Variants in ZFP69 observed in about 807,000 individuals in gnomAD.
ZFP69 encodes zinc finger protein 69 homolog.
A neutral mutation model predicts 48.9 loss-of-function variants in ZFP69; 35 were observed. That is an observed-to-expected ratio of 0.72 (90% confidence interval 0.55 to 0.95). The LOEUF is 0.95. Among genes scored for constraint, ZFP69 ranks in the 40% least tolerant of loss-of-function variants. The pLI is 0.00. For missense variants in ZFP69, 557 were observed against 638.4 expected, an observed-to-expected ratio of 0.87 and a Z score of 1.37; for synonymous variants, 193 against 216.8, an observed-to-expected ratio of 0.89 and a Z score of 0.96.
At chr1:40,491,146 T>A (rs1047219405) in intron 5 of ZFP69, 1 of 152,248 alleles carries the variant, frequency 6.6e-6, no homozygotes, top group Non-Finnish European at 1.5e-5. Flanking sequence ...AAATAAATGG[T>A]ATATATACTT....
chr1:40,491,775 G>GTA (rs1463849286), intron 5 of ZFP69, among the ~76,000 whole-genome samples: 59 of 151,544 alleles, frequency 3.9e-4, no homozygotes, highest in African/African-American at 1.3e-3. Flanking sequence ...GTGTGTGTGT[G>GTA]TGTGTGTGTG....
Position 40,495,199 on chromosome 1 carries a change from A to T in ZFP69, c.721A>T (p.Arg241Trp), listed in dbSNP as rs1202048802. The change falls in exon 6 of 6, where the codon AGG (arginine) becomes TGG (tryptophan). Residue 241 changes from arginine (R) to tryptophan (W), a missense_variant. Coordinates refer to ENST00000372706, the MANE Select transcript of ZFP69 (RefSeq NM_001320179.2). ...IVHSNVIIEQRHHKYDTPTKR... is the reference protein window; with the variant it reads ...IVHSNVIIEQWHHKYDTPTKR... Reference sequence around the variant, plus strand: ...GCATTCAAATGTTATTATTGAACAGAGGCACCATAAATATGATACACCTAC... The same window carrying T: ...GCATTCAAATGTTATTATTGAACAGTGGCACCATAAATATGATACACCTAC... 6.2e-7 allele frequency: 1 copy of T among 1,614,170 alleles called. No homozygotes were observed.
chr1:40,489,793 G>A (rs1039761135), intron 5 of ZFP69, among the ~76,000 whole-genome samples, 169 bp downstream of exon 5: 1 of 152,078 alleles, frequency 6.6e-6, no homozygotes, highest in Non-Finnish European at 1.5e-5. Context: ...TACAATCATG[G>A]TGAAAGGCAT....
intron 3 of ZFP69, among the ~76,000 whole-genome samples, chr1:40,487,288 A>G (rs1645511045): frequency 6.6e-6 from 1 of 152,168 alleles, no homozygotes. Context: ...GACTTTTTTC[A>G]ATAAATATAT....
At chr1:40,486,458 C>A in intron 3 of ZFP69, among the ~76,000 whole-genome samples, 1 of 105,282 alleles carries the variant, frequency 9.5e-6, no homozygotes, top group Non-Finnish European at 1.9e-5. Flanking sequence ...TCCCTCCATC[C>A]CTCCCTCCCT....
chr1:40,483,805 G>A (rs1645467135), intron 3 of ZFP69, among the ~76,000 whole-genome samples: 2 of 152,176 alleles, frequency 1.3e-5, no homozygotes, highest in Non-Finnish European at 2.9e-5. Flanking sequence ...GGCCGGGCAT[G>A]GTGGCTCATG....
Position 40,496,067 on chromosome 1 carries a change from TA to T in ZFP69, c.*9del. Reference sequence around the variant, plus strand: ...TTCCGAAATAAGGTGTAAAAACAGATATTTGACTTGAGAACAAAAGCCAAGT... The same window carrying T: ...TTCCGAAATAAGGTGTAAAAACAGATTTTGACTTGAGAACAAAAGCCAAGT... On this transcript the variant is annotated 3_prime_UTR_variant, in exon 6 of 6. Coordinates refer to ENST00000372706, the MANE Select transcript of ZFP69 (RefSeq NM_001320179.2). 1 of 1,548,504 alleles carries T rather than the reference TA, an allele frequency of 6.5e-7. No individual in the cohort carries two copies. The highest frequency in any genetic ancestry group is 8.7e-7 in the Non-Finnish European group (1 of 1,150,368).
At chr1:40,490,841 G>T (rs1311898372) in intron 5 of ZFP69, 1 of 151,796 alleles carries the variant, frequency 6.6e-6, no homozygotes, top group African/African-American at 2.4e-5. Context: ...CAAATGTCGG[G>T]GTCCCTAACA....
Position 40,495,822 on chromosome 1 carries a change from T to G in ZFP69, c.1344T>G (p.Phe448Leu). 6.2e-7 allele frequency: 1 copy of G among 1,614,204 alleles called. No individual in the cohort carries two copies. Among genetic ancestry groups the G allele is most frequent in the Non-Finnish European group, 8.5e-7 (1 of 1,180,038 alleles). The change falls in exon 6 of 6, where the codon TTT (phenylalanine) becomes TTG (leucine). Residue 448 changes from phenylalanine to leucine, a missense_variant. Phe to Leu is a conservative substitution (Grantham distance 22). Coordinates refer to ENST00000372706, the MANE Select transcript of ZFP69 (RefSeq NM_001320179.2). The part of the protein sequence containing the change: ...PYKCKECGKA[F>L]RQRIHLSNHK... The stretch of plus-strand genomic sequence containing the variant: ...AATGTAAAGAATGTGGAAAAGCCTT[T>G]AGGCAGAGGATACACCTTAGCAACC...
Position 40,487,049 on chromosome 1 carries a change from C to T in ZFP69, c.220-2039C>T, listed in dbSNP as rs367595850. On this transcript the variant is annotated intron_variant, in intron 3 of 5. Coordinates refer to ENST00000372706, the MANE Select transcript of ZFP69 (RefSeq NM_001320179.2). ...AAGTGATTCTTCTGCCTCAGCCTTCCGAGTAGCTGGGACTACAGGCATGCA... is the reference window on the plus strand; with the variant it reads ...AAGTGATTCTTCTGCCTCAGCCTTCTGAGTAGCTGGGACTACAGGCATGCA... Among the ~76,000 whole-genome samples, 12 of 151,784 alleles carry T rather than the reference C, an allele frequency of 7.9e-5. No homozygotes were observed. The East Asian group carries it at 1.4e-3, about 17-fold the overall frequency.
At chr1:40,490,545 G>A (rs1381899110) in intron 5 of ZFP69, among the ~76,000 whole-genome samples, 2 of 152,138 alleles carry the variant, frequency 1.3e-5, no homozygotes, top group Admixed American at 1.3e-4. Flanking sequence ...CATTAAGGTT[G>A]AGCTGGATTT....
chr1:40,489,039 C>A (rs781006717), intron 3 of ZFP69, 49 bp from the exon 4 acceptor site: 60 of 1,611,600 alleles, frequency 3.7e-5, no homozygotes, highest in Non-Finnish European at 4.5e-5. Context: ...CTCCTTGGAA[C>A]TTAACAGAGG....
chr1:40,485,739 G>A (rs1210732534), intron 3 of ZFP69, among the ~76,000 whole-genome samples: 4 of 152,012 alleles, frequency 2.6e-5, no homozygotes, highest in Non-Finnish European at 5.9e-5. Context: ...GGATCTTATT[G>A]GATAAAGAAT....
intron 2 of ZFP69, among the ~76,000 whole-genome samples, chr1:40,481,042 C>T (rs1645438362): frequency 2.0e-5 from 3 of 152,134 alleles, no homozygotes; most frequent in South Asian, 2.1e-4. Context: ...CTCCTGACCT[C>T]GTGATCCACC....
At position 40,489,504 on chromosome 1, in the gene ZFP69, ACT is replaced by A. The variant is rs758324852; in HGVS notation, c.347-24_347-23del. On this transcript the variant is annotated intron_variant, in intron 4 of 5. Coordinates refer to ENST00000372706, the MANE Select transcript of ZFP69 (RefSeq NM_001320179.2). ...CTTAGACATCAGCATAAACATTCACACTGTTTTTTTTACTACATAAGCAGGAT... is the reference window on the plus strand; with the variant it reads ...CTTAGACATCAGCATAAACATTCACAGTTTTTTTTACTACATAAGCAGGAT... The A allele has an allele frequency of 4.4e-6, 7 of 1,591,832 alleles. No individual in the cohort carries two copies. The African/African-American group carries it at 5.4e-5, about 12-fold the overall frequency.
In ZFP69 at chr1:40,479,076, C is replaced by G; in HGVS notation, c.-286C>G. ...AGACAAGTGCTTCTGGATCCCTCTTCCCTTCCCTTTTGCTCCTCTAAAGAG... is the reference window on the plus strand; with the variant it reads ...AGACAAGTGCTTCTGGATCCCTCTTGCCTTCCCTTTTGCTCCTCTAAAGAG... On this transcript the variant is annotated 5_prime_UTR_variant, in exon 2 of 6. Transcript: ENST00000372706. The G allele has an allele frequency of 3.6e-6, 1 of 280,674 alleles. No individual in the cohort carries two copies. Among genetic ancestry groups the G allele is most frequent in the South Asian group, 4.2e-5 (1 of 23,852 alleles). The allele number at this position is 280,674 out of a possible 1,614,324, so 17.4% of individuals were successfully genotyped here.
chr1:40,484,032 G>A (rs567939468), intron 3 of ZFP69, among the ~76,000 whole-genome samples: 24 of 152,022 alleles, frequency 1.6e-4, no homozygotes, highest in Non-Finnish European at 3.2e-4. Flanking sequence ...CCGAGATTGC[G>A]CCATTGCACT....
chr1:40,484,606 A>G (rs1645476481), intron 3 of ZFP69, among the ~76,000 whole-genome samples: 1 of 151,076 alleles, frequency 6.6e-6, no homozygotes, highest in South Asian at 2.1e-4. Flanking sequence ...ATTGAGACAG[A>G]GTCTTGCTCT....
rs1439619869 is a variant in ZFP69, at chr1:40,496,198, T to C, written c.*139T>C. ...TTTCCCATTGTAAATAAACATTACA[T>C]TGACAGGTATTGACTACTAACACCT... On this transcript the variant is annotated 3_prime_UTR_variant, in exon 6 of 6. Transcript: ENST00000372706. 2.5e-6 allele frequency: 2 copies of C among 786,492 alleles called. No individual in the cohort carries two copies. Among genetic ancestry groups the C allele is most frequent in the African/African-American group, 1.7e-5 (1 of 57,694 alleles). 48.7% of individuals were successfully genotyped at this position (786,492 alleles called of 1,614,324 possible). A position where few individuals can be genotyped will look rare whatever the true frequency, so the allele number is the denominator to read the frequency against.
Sources: allele counts gnomAD v4.1 joint callset (sites outside exome capture counted in the v4.1 genomes callset), GRCh38; gene constraint gnomAD v4.1.1; transcripts MANE v1.5; gene names NCBI Gene and HGNC (gene_info 2026-07-23, HGNC 2026-07-21).